Variants in R3HDM2 observed in about 807,000 individuals in gnomAD.
The protein encoded by R3HDM2 is R3H domain-containing protein 2.
In R3HDM2, 38 loss-of-function variants were observed where a neutral mutation model predicts 124.5. That is an observed-to-expected ratio of 0.31 (90% CI 0.24 to 0.40). The LOEUF (loss-of-function observed/expected upper bound fraction) is 0.40. Ranked by LOEUF, R3HDM2 falls within the 10% of genes least tolerant of loss-of-function variation. The pLI is 1.00. For synonymous variants in R3HDM2, 391 were observed against 448.0 expected (o/e 0.87, Z 1.61); for missense variants, 869 against 1,236.9 (o/e 0.70, Z 4.46).
chr12:57,395,443 C>T (rs1198604297), intron 2 of R3HDM2, among the ~76,000 whole-genome samples: 1 of 151,708 alleles, frequency 6.6e-6, no homozygotes, highest in Non-Finnish European at 1.5e-5. Flanking sequence ...GCGGAGGTTG[C>T]GGTGAGTTGA....
chr12:57,307,572 G>C lies in R3HDM2; in HGVS notation c.165+2692C>G, dbSNP rs939408052. ...CTGACCTCAAGTGATCCACCCGCCT[G>C]GGCCTCCCAAAGTGCTGGGATTATA... On this transcript the variant is annotated intron_variant, in intron 3 of 23. Coordinates refer to ENST00000402412, the MANE Select transcript of R3HDM2 (RefSeq NM_001394031.1). Among the ~76,000 whole-genome samples the C allele has an allele frequency of 2.6e-5, 4 of 150,980 alleles. No individual in the cohort carries two copies. In the East Asian group the frequency reaches 7.8e-4, roughly 30 times the overall value.
Position 57,310,183 on chromosome 12 carries a change from T to C in R3HDM2, c.165+81A>G, listed in dbSNP as rs545456223. ...CCTAATTGTGCCACTGCACTCCAGG[T>C]TGGGTAACAGACAGAGCTGGGTAAC... On this transcript the variant is annotated intron_variant, in intron 3 of 23. Transcript: ENST00000402412. 487 of 1,051,456 alleles carry C rather than the reference T, an allele frequency of 4.6e-4. 3 individuals carry two copies. The South Asian group carries it at 9.2e-3, about 20-fold the overall frequency. The allele number at this position is 1,051,456 out of a possible 1,614,324, so 65.1% of individuals were successfully genotyped here.
At chr12:57,353,583 ATTTTT>A (rs886418899) in intron 2 of R3HDM2, among the ~76,000 whole-genome samples, 8 of 151,976 alleles carry the variant, frequency 5.3e-5, no homozygotes, top group African/African-American at 1.7e-4. Context: ...TTTATTATTT[ATTTTT>A]ATTTTTTTTA....
At position 57,266,773 on chromosome 12, in the gene R3HDM2, G is replaced by A. The variant is rs748210087; in HGVS notation, c.2089C>T (p.Pro697Ser). ...GSEQYQMPQSPSPCSPPQMPQ... is the reference protein window; with the variant it reads ...GSEQYQMPQSSSPCSPPQMPQ... ...ATCTGTGGTGGACTGCAGGGAGAGG[G>A]AGACTGAGGCATCTGGTACTGCTCA... Residue 697 changes from proline (P) to serine (S), a missense_variant, in exon 19 of 24, where the codon CCC becomes TCC. By Grantham distance (74) the Pro-to-Ser change is moderately conservative. This residue lies in a region of R3HDM2 where 602 missense variants were observed against 789.2 expected (regional missense o/e 0.76). Transcript: ENST00000402412. 3 of 1,610,762 alleles carry A rather than the reference G, an allele frequency of 1.9e-6. No individual in the cohort carries two copies. The East Asian group carries it at 6.7e-5, about 36-fold the overall frequency.
Position 57,430,716 on chromosome 12 carries a change from T to A in R3HDM2, c.-106+4A>T. The A allele has an allele frequency of 2.6e-6, 1 of 385,818 alleles. No homozygotes were observed. Among genetic ancestry groups the A allele is most frequent in the Non-Finnish European group, 3.5e-6 (1 of 283,684 alleles). 23.9% of individuals were successfully genotyped at this position (385,818 alleles called of 1,614,324 possible). ...CCGCCCCCTCGGCCGGGAGGTGGCC[T>A]CACCTCGCACGGGCCTTGGCGGGGA... On this transcript the variant is annotated splice_donor_region_variant and intron_variant, in intron 1 of 23. Transcript: ENST00000402412.
At chr12:57,388,296 G>A (rs2066157506) in intron 2 of R3HDM2, among the ~76,000 whole-genome samples, 1 of 152,226 alleles carries the variant, frequency 6.6e-6, no homozygotes, top group South Asian at 2.1e-4. Flanking sequence ...GGATAAAGAA[G>A]AGGAGTATTT....
chr12:57,366,425 A>G (rs550422282), intron 2 of R3HDM2, among the ~76,000 whole-genome samples: 3 of 152,280 alleles, frequency 2.0e-5, no homozygotes, highest in African/African-American at 7.2e-5. Flanking sequence ...CCTGGGCACT[A>G]TATTTCTCAT....
Position 57,254,369 on chromosome 12 carries a change from C to T in R3HDM2, c.*404G>A, listed in dbSNP as rs578008674. The T allele has an allele frequency of 2.1e-4, 87 of 409,636 alleles. No homozygotes were observed. The highest frequency in any genetic ancestry group is 1.6e-3 in the African/African-American group (76 of 47,264). 25.4% of individuals were successfully genotyped at this position (409,636 alleles called of 1,614,324 possible). A position where few individuals can be genotyped will look rare whatever the true frequency, so the allele number is the denominator to read the frequency against. On this transcript the variant is annotated 3_prime_UTR_variant, in exon 24 of 24. Coordinates refer to ENST00000402412, the MANE Select transcript of R3HDM2 (RefSeq NM_001394031.1). ...TACAAAAATTAGCCGGGCATGGTGG[C>T]GCGTGTCTGTAGTGCCAGCTACTTG...
chr12:57,371,893 G>A (rs1176318231), intron 2 of R3HDM2, among the ~76,000 whole-genome samples: 1 of 152,164 alleles, frequency 6.6e-6, no homozygotes, highest in Non-Finnish European at 1.5e-5. Context: ...TTGAGACGGA[G>A]TTTCGCTCTT....
intron 1 of R3HDM2, among the ~76,000 whole-genome samples, chr12:57,410,071 T>C (rs1408847570): frequency 6.6e-6 from 1 of 152,174 alleles, no homozygotes; most frequent in East Asian, 1.9e-4. Flanking sequence ...TTTAGCATTT[T>C]TTTCTACTGT....
In R3HDM2 at chr12:57,395,833, GGA is replaced by G; in HGVS notation, c.-105-17_-105-16del. The G allele has an allele frequency of 1.0e-6, 1 of 979,954 alleles. No individual in the cohort carries two copies. Among genetic ancestry groups the G allele is most frequent in the Non-Finnish European group, 1.2e-6 (1 of 826,184 alleles). 60.7% of individuals were successfully genotyped at this position (979,954 alleles called of 1,614,324 possible). ...AAGTCTAACCTCTGGGGGAGGAGGG[GGA>G]AAAAAAAAAACAAGTTAAAAGCAAT... On this transcript the variant is annotated splice_polypyrimidine_tract_variant and intron_variant, in intron 1 of 23. Transcript: ENST00000402412.
At chr12:57,410,166 TA>T (rs1234959358) in intron 1 of R3HDM2, among the ~76,000 whole-genome samples, 1 of 152,124 alleles carries the variant, frequency 6.6e-6, no homozygotes, top group East Asian at 1.9e-4. Flanking sequence ...ATTCACTTTG[TA>T]TGTGTAATCT....
intron 2 of R3HDM2, among the ~76,000 whole-genome samples, chr12:57,366,438 C>G (rs1250471290): frequency 1.3e-5 from 2 of 152,192 alleles, no homozygotes; most frequent in African/African-American, 4.8e-5. Flanking sequence ...TTTCTCATCT[C>G]AGACACTGCA....
At chr12:57,389,598 T>G (rs2066363709) in intron 2 of R3HDM2, among the ~76,000 whole-genome samples, 2 of 152,232 alleles carry the variant, frequency 1.3e-5, no homozygotes, top group Non-Finnish European at 2.9e-5. Flanking sequence ...AACTCTGATC[T>G]AAGCTCTAAA....
chr12:57,387,766 G>A (rs957713455), intron 2 of R3HDM2, among the ~76,000 whole-genome samples: 2 of 152,122 alleles, frequency 1.3e-5, no homozygotes, highest in African/African-American at 4.8e-5. Context: ...TAATAAATAT[G>A]TTATGCCCAT....
At chr12:57,355,155 A>G (rs1019522731) in intron 2 of R3HDM2, among the ~76,000 whole-genome samples, 4 of 151,726 alleles carry the variant, frequency 2.6e-5, no homozygotes, top group South Asian at 4.2e-4. Context: ...GGTTTATCCA[A>G]TTGTTTAAGA....
At chr12:57,281,169 C>T (rs1016611035) in intron 13 of R3HDM2, among the ~76,000 whole-genome samples, 1 of 151,678 alleles carries the variant, frequency 6.6e-6, no homozygotes, top group Non-Finnish European at 1.5e-5. Flanking sequence ...CGCCTGTAAT[C>T]CCAGCTACCT....
chr12:57,347,462 A>G (rs2137128197), intron 2 of R3HDM2, among the ~76,000 whole-genome samples: 1 of 152,318 alleles, frequency 6.6e-6, no homozygotes. Flanking sequence ...GGTTCAAATC[A>G]CTCAAAGGCA....
chr12:57,281,330 A>C (rs933899068), intron 13 of R3HDM2, among the ~76,000 whole-genome samples: 3 of 151,640 alleles, frequency 2.0e-5, no homozygotes, highest in African/African-American at 7.3e-5. Context: ...AACTTCAAGC[A>C]TACACATAAC....
Sources: gnomAD v4.1 joint callset for allele counts (sites outside exome capture counted in the v4.1 genomes callset) on GRCh38, gnomAD v4.1.1 for gene constraint, gnomAD v4.1.1 regional missense constraint, MANE v1.5 for transcripts, NCBI Gene and HGNC (gene_info 2026-07-23, HGNC 2026-07-21) for gene names.